CCDC171: variants seen among roughly 807,000 people sequenced by gnomAD.
CCDC171 encodes the protein coiled-coil domain-containing protein 171.
In CCDC171, 177 loss-of-function variants were observed where a neutral mutation model predicts 168.2. That is an observed-to-expected ratio of 1.05 (90% CI 0.93 to 1.19). The LOEUF (loss-of-function observed/expected upper bound fraction) is 1.19, where lower values mean the gene tolerates loss of function less well. CCDC171 is among the 50% of genes most tolerant of loss of function. The probability of loss-of-function intolerance (pLI) is 0.00; values close to 1 mark genes in which losing one functional copy is unlikely to be tolerated. For synonymous variants in CCDC171, 687 were observed against 540.8 expected (o/e 1.27, Z -3.75); for missense variants, 1,991 against 1,539.0 (o/e 1.29, Z -4.91).
chr9:16,013,062 C>A (rs1395446983), intron 3 of CCDC171, among the ~76,000 whole-genome samples: 1 of 152,182 alleles, frequency 6.6e-6, no homozygotes, highest in African/African-American at 2.4e-5. Flanking sequence ...GTCAGCCTTT[C>A]CCACTCAAAA....
chr9:15,978,464 C>T (rs1049868541), downstream of CCDC171, among the ~76,000 whole-genome samples: 1 of 152,166 alleles, frequency 6.6e-6, no homozygotes, highest in Non-Finnish European at 1.5e-5. Context: ...TCATCAGCTT[C>T]AGCGTCCCTC....
chr9:15,575,408 A>G (rs1164755728), intron 3 of CCDC171, among the ~76,000 whole-genome samples: 3 of 152,044 alleles, frequency 2.0e-5, no homozygotes, highest in Non-Finnish European at 4.4e-5. Flanking sequence ...TTCTGGGCTC[A>G]AGTGATCCAC....
At chr9:15,701,642 C>T (rs372663075) in intron 11 of CCDC171, among the ~76,000 whole-genome samples, 116 of 148,696 alleles carry the variant, frequency 7.8e-4, no homozygotes, top group African/African-American at 2.6e-3. Context: ...CGCAGTGGCA[C>T]GATCTTGGCT....
chr9:15,706,225 C>T (rs1278580910), intron 11 of CCDC171, among the ~76,000 whole-genome samples: 1 of 150,278 alleles, frequency 6.7e-6, no homozygotes, highest in African/African-American at 2.5e-5. Context: ...GTCTTCCTTC[C>T]TTCCTTCCTT....
intron 16 of CCDC171, among the ~76,000 whole-genome samples, chr9:15,730,894 C>A (rs1474001183): frequency 6.6e-6 from 1 of 151,920 alleles, no homozygotes; most frequent in Non-Finnish European, 1.5e-5. Flanking sequence ...TATACAGTGA[C>A]ATGCACAAAT....
chr9:15,887,377 GT>G (rs562038327), intron 24 of CCDC171, among the ~76,000 whole-genome samples: 1 of 152,026 alleles, frequency 6.6e-6, no homozygotes, highest in African/African-American at 2.4e-5. Flanking sequence ...ACAGTAGTAG[GT>G]TTTTTTCCCC....
intron 24 of CCDC171, chr9:15,886,249 A>G (rs948750506): frequency 2.3e-4 from 35 of 152,192 alleles, no homozygotes; most frequent in African/African-American, 8.2e-4. Flanking sequence ...AAGGAGTTTA[A>G]TATCCAAAAT....
rs764494924 is a variant in CCDC171, at chr9:16,057,956, A to C, written n.90-2690A>C. The stretch of plus-strand genomic sequence containing the variant: ...GTGCAAATGAAGCAGAGCACAAATG[A>C]ATCTCCTGAATGTTTTCAGACCTAA... On this transcript the variant is annotated intron_variant and non_coding_transcript_variant, in intron 1 of 1. Transcript: ENST00000478913. Among the ~76,000 whole-genome samples the C allele has an allele frequency of 3.3e-5, 5 of 152,088 alleles. No individual in the cohort carries two copies. In the East Asian group the frequency reaches 9.6e-4, roughly 29 times the overall value.
chr9:15,971,782 C>G lies in CCDC171; in HGVS notation c.3927C>G (p.Ser1309=). 1 of 1,613,992 alleles carries G rather than the reference C, an allele frequency of 6.2e-7. No homozygotes were observed. Among genetic ancestry groups the G allele is most frequent in the South Asian group, 1.1e-5 (1 of 91,074 alleles). The change falls in exon 26 of 26, where the codon TCC becomes TCG. Residue 1309 remains serine, a synonymous_variant. Transcript: ENST00000380701. ...TVPHALTSSH[S]SPVTMSANAN... ...CCCATGCTCTGACATCATCTCACTC[C>G]TCTCCAGTGACTATGTCTGCTAATG... is the stretch of plus-strand genomic sequence containing the variant.
At chr9:15,633,436 C>A (rs1306354095) in intron 7 of CCDC171, among the ~76,000 whole-genome samples, 2 of 152,220 alleles carry the variant, frequency 1.3e-5, no homozygotes, top group Non-Finnish European at 2.9e-5. Flanking sequence ...CTCACCGTCA[C>A]TGGCCATCAG....
the CCDC171 span, among the ~76,000 whole-genome samples, chr9:16,084,724 A>G: frequency 1.3e-5 from 2 of 152,184 alleles, no homozygotes; most frequent in African/African-American, 4.8e-5. Context: ...GTCAATTCAC[A>G]TAGTCACAGA....
intron 23 of CCDC171, among the ~76,000 whole-genome samples, chr9:15,858,567 T>C (rs553649012): frequency 1.3e-5 from 2 of 152,058 alleles, no homozygotes; most frequent in Admixed American, 6.6e-5. Flanking sequence ...TGTTTTTTCA[T>C]TTGTTGTATT....
At chr9:15,628,238 G>A (rs1049893710) in intron 7 of CCDC171, among the ~76,000 whole-genome samples, 11 of 151,396 alleles carry the variant, frequency 7.3e-5, no homozygotes, top group African/African-American at 2.2e-4. Context: ...TGCCTTACTC[G>A]GGAAGCGCAA....
At chr9:15,921,628 G>A (rs541138867) in intron 25 of CCDC171, among the ~76,000 whole-genome samples, 46 of 151,582 alleles carry the variant, frequency 3.0e-4, no homozygotes, top group African/African-American at 9.7e-4. Flanking sequence ...TGAAAAGTAC[G>A]AGTAATCTAT....
At chr9:16,102,726 C>T in the CCDC171 span, among the ~76,000 whole-genome samples, 2 of 152,174 alleles carry the variant, frequency 1.3e-5, no homozygotes, top group African/African-American at 4.8e-5. Flanking sequence ...CACTTTCCAA[C>T]AGCTCTTCGT....
intron 3 of CCDC171, among the ~76,000 whole-genome samples, chr9:16,017,916 AATGGAGAAGCTACT>A (rs2133011240): frequency 6.6e-6 from 1 of 152,318 alleles, no homozygotes; most frequent in African/African-American, 2.4e-5. Flanking sequence ...AAGCCATCAC[AATGGAGAAGCTACT>A]ATAGGAGAAC....
intron 9 of CCDC171, 35 bp downstream of exon 9, chr9:15,666,358 A>G (rs866508147): frequency 6.9e-7 from 1 of 1,459,486 alleles, no homozygotes; most frequent in South Asian, 1.2e-5. Context: ...CTAAATTAAC[A>G]TAAAGATTTT....
intron 7 of CCDC171, among the ~76,000 whole-genome samples, chr9:15,640,537 A>G (rs1361640458): frequency 6.6e-6 from 1 of 152,168 alleles, no homozygotes; most frequent in Non-Finnish European, 1.5e-5. Context: ...ACTGTAGCAT[A>G]TTAATATTTA....
At chr9:15,554,339 C>T (rs1390983624) in intron 1 of CCDC171, among the ~76,000 whole-genome samples, 1 of 152,172 alleles carries the variant, frequency 6.6e-6, no homozygotes, top group Non-Finnish European at 1.5e-5. Flanking sequence ...TTTTATTTAA[C>T]TGTTAGTTCC....
Sources: gnomAD v4.1 joint callset for allele counts (sites outside exome capture counted in the v4.1 genomes callset) on GRCh38, gnomAD v4.1.1 for gene constraint, MANE v1.5 for transcripts, NCBI Gene and HGNC (gene_info 2026-07-23, HGNC 2026-07-21) for gene names.